DIAPH3: variants seen among roughly 807,000 people sequenced by gnomAD.
DIAPH3 encodes the protein diaphanous related formin 3, also known as protein diaphanous homolog 3.
In DIAPH3, 117 loss-of-function variants were observed where a neutral mutation model predicts 144.3. The ratio of observed to expected loss-of-function variants is 0.81; its 90% CI spans 0.70 to 0.95. DIAPH3 has a LOEUF of 0.95. Among genes scored for constraint, DIAPH3 ranks in the 40% least tolerant of loss-of-function variants. DIAPH3 has a pLI of 0.00. For missense variants in DIAPH3, 1,421 were observed against 1,412.7 expected (o/e 1.01, Z -0.09); for synonymous variants, 519 against 488.9 (o/e 1.06, Z -0.81).
chr13:59,889,808 T>C (rs770233009), intron 20 of DIAPH3, among the ~76,000 whole-genome samples: 4 of 152,144 alleles, frequency 2.6e-5, no homozygotes, highest in Non-Finnish European at 5.9e-5. Context: ...CTATAAACTT[T>C]GTTAGTGTAG....
At chr13:60,002,209 C>G (rs2052564648) in intron 9 of DIAPH3, among the ~76,000 whole-genome samples, 1 of 152,150 alleles carries the variant, frequency 6.6e-6, no homozygotes, top group South Asian at 2.1e-4. Flanking sequence ...GATCTGGGAC[C>G]TGGAAGGCAG....
chr13:59,925,087 T>C (rs1376379663), intron 17 of DIAPH3, among the ~76,000 whole-genome samples: 3 of 152,082 alleles, frequency 2.0e-5, no homozygotes, highest in Non-Finnish European at 4.4e-5. Flanking sequence ...AAGTAAATAT[T>C]TGAAGGTCTA....
intron 27 of DIAPH3, among the ~76,000 whole-genome samples, chr13:59,724,695 G>A (rs1045591888): frequency 6.6e-6 from 1 of 152,198 alleles, no homozygotes; most frequent in African/African-American, 2.4e-5. Flanking sequence ...ATTGCCGATT[G>A]CGTCAAATGA....
At chr13:59,694,718 C>A (rs1237247080) in intron 27 of DIAPH3, among the ~76,000 whole-genome samples, 12 of 151,818 alleles carry the variant, frequency 7.9e-5, no homozygotes, top group Admixed American at 6.6e-4. Context: ...ATTGAAAACA[C>A]AAACAAAGTA....
At chr13:59,827,477 A>T (rs181134850) in intron 24 of DIAPH3, among the ~76,000 whole-genome samples, 3 of 152,068 alleles carry the variant, frequency 2.0e-5, no homozygotes, top group Non-Finnish European at 4.4e-5. Flanking sequence ...AGAGGATGAA[A>T]GCATTAGGAA....
At chr13:59,807,284 C>A (rs1426122896) in intron 25 of DIAPH3, among the ~76,000 whole-genome samples, 2 of 151,554 alleles carry the variant, frequency 1.3e-5, no homozygotes, top group African/African-American at 4.8e-5. Context: ...TATGTGTTTA[C>A]AAATATTATG....
At chr13:60,125,857 G>A (rs1022670137) in intron 2 of DIAPH3, among the ~76,000 whole-genome samples, 1 of 151,720 alleles carries the variant, frequency 6.6e-6, no homozygotes, top group Admixed American at 6.6e-5. Context: ...GAGAAGACTA[G>A]GACTGATAGA....
chr13:59,927,920 A>G (rs1393522602), intron 17 of DIAPH3, among the ~76,000 whole-genome samples: 1 of 152,124 alleles, frequency 6.6e-6, no homozygotes, highest in African/African-American at 2.4e-5. Flanking sequence ...CTGGATGTCT[A>G]TTTCTTTCCC....
At chr13:59,852,477 G>T (rs1042162758) in intron 22 of DIAPH3, among the ~76,000 whole-genome samples, 3 of 152,184 alleles carry the variant, frequency 2.0e-5, no homozygotes, top group African/African-American at 7.2e-5. Context: ...TTCAAAGGTT[G>T]TTTAGTACTA....
chr13:59,776,635 G>A (rs2038427786), intron 25 of DIAPH3, among the ~76,000 whole-genome samples: 1 of 151,770 alleles, frequency 6.6e-6, no homozygotes, highest in Non-Finnish European at 1.5e-5. Context: ...TAAAGGAGGG[G>A]GAAAAAAGAA....
intron 20 of DIAPH3, among the ~76,000 whole-genome samples, chr13:59,898,865 GAGA>G (rs1284674510): frequency 2.0e-5 from 3 of 152,154 alleles, no homozygotes; most frequent in African/African-American, 2.4e-5. Flanking sequence ...GTTGCCAAAG[GAGA>G]AGATTAACAT....
At chr13:59,856,276 C>T (rs1157832488) in intron 22 of DIAPH3, among the ~76,000 whole-genome samples, 3 of 152,208 alleles carry the variant, frequency 2.0e-5, no homozygotes, top group African/African-American at 4.8e-5. Flanking sequence ...GTATAGGCTA[C>T]TGTATTCTAT....
At position 59,924,805 on chromosome 13, in the gene DIAPH3, A is replaced by T; in HGVS notation, c.2140T>A (p.Phe714Ile). ...SIKKKIKELK[F>I]LDSKIAQNLS... ...TTCTGGGCAATTTTAGAATCTAAAAACTTAAGTTCTTTAATTTTTTTCTTA... is the reference window on the plus strand; with the variant it reads ...TTCTGGGCAATTTTAGAATCTAAAATCTTAAGTTCTTTAATTTTTTTCTTA... The change falls in exon 18 of 28, where the codon TTT becomes ATT. Residue 714 changes from phenylalanine to isoleucine, a missense_variant. Physicochemically the swap from Phe to Ile is conservative, Grantham distance 21 (BLOSUM62 0). Transcript: ENST00000400324. 1 of 1,602,398 alleles carries T rather than the reference A, an allele frequency of 6.2e-7. No individual in the cohort carries two copies. Among genetic ancestry groups the T allele is most frequent in the Non-Finnish European group, 8.5e-7 (1 of 1,171,918 alleles).
At chr13:59,910,892 T>C (rs1451450968) in intron 20 of DIAPH3, among the ~76,000 whole-genome samples, 3 of 150,854 alleles carry the variant, frequency 2.0e-5, no homozygotes, top group East Asian at 1.9e-4. Flanking sequence ...TAGGAAGGAA[T>C]GTAAAAGCAA....
chr13:60,068,711 A>G (rs1487346754), intron 4 of DIAPH3, among the ~76,000 whole-genome samples: 1 of 151,986 alleles, frequency 6.6e-6, no homozygotes, highest in Non-Finnish European at 1.5e-5. Context: ...ATGTGTATTC[A>G]ATGTTTAGCT....
At chr13:59,945,277 C>T (rs2048744038) in intron 17 of DIAPH3, among the ~76,000 whole-genome samples, 1 of 152,090 alleles carries the variant, frequency 6.6e-6, no homozygotes, top group East Asian at 1.9e-4. Context: ...ATACCTTGCT[C>T]ATTTACTTTC....
intron 24 of DIAPH3, among the ~76,000 whole-genome samples, chr13:59,824,948 T>A (rs1048443953): frequency 6.6e-6 from 1 of 152,110 alleles, no homozygotes. Context: ...AAAAATGTAT[T>A]CTATATGAGA....
At chr13:60,040,899 C>T (rs954279147) in intron 5 of DIAPH3, among the ~76,000 whole-genome samples, 1 of 152,144 alleles carries the variant, frequency 6.6e-6, no homozygotes, top group Admixed American at 6.5e-5. Flanking sequence ...CTGCAATCTC[C>T]ACCTCCTAGG....
At chr13:59,713,789 A>G (rs1259463316) in intron 27 of DIAPH3, among the ~76,000 whole-genome samples, 2 of 152,236 alleles carry the variant, frequency 1.3e-5, no homozygotes, top group Admixed American at 1.3e-4. Context: ...ACTGAAAAGA[A>G]GAGGGCCTGT....
Sources: allele counts gnomAD v4.1 joint callset (sites outside exome capture counted in the v4.1 genomes callset), GRCh38; gene constraint gnomAD v4.1.1; transcripts MANE v1.5; gene names NCBI Gene and HGNC (gene_info 2026-07-23, HGNC 2026-07-21).